Variants in KIAA1328 observed in about 807,000 individuals in gnomAD.
The protein encoded by KIAA1328 is KIAA1328.
Under a neutral mutation model 68.1 loss-of-function variants are expected in KIAA1328, and 52 were observed. The ratio of observed to expected loss-of-function variants is 0.76; its 90% confidence interval spans 0.61 to 0.96. The LOEUF (loss-of-function observed/expected upper bound fraction) is 0.96. Ranked by LOEUF, KIAA1328 falls within the 40% of genes least tolerant of loss-of-function variation. KIAA1328 has a pLI of 0.00. For missense variants in KIAA1328, 641 were observed against 677.6 expected, an observed-to-expected ratio of 0.95 and a Z score of 0.60; for synonymous variants, 232 against 239.4, an observed-to-expected ratio of 0.97 and a Z score of 0.28.
At chr18:36,988,675 C>A (rs1197318808) in intron 6 of KIAA1328, among the ~76,000 whole-genome samples, 1 of 152,082 alleles carries the variant, frequency 6.6e-6, no homozygotes, top group Admixed American at 6.6e-5. Flanking sequence ...TTTCAGAATG[C>A]CAGTTAAGAG....
At chr18:37,022,047 A>T (rs1258793914) in intron 6 of KIAA1328, among the ~76,000 whole-genome samples, 2 of 151,614 alleles carry the variant, frequency 1.3e-5, no homozygotes, top group African/African-American at 4.8e-5. Context: ...CTCATAAATT[A>T]ATTAATTAAT....
intron 5 of KIAA1328, among the ~76,000 whole-genome samples, chr18:36,912,049 G>A (rs1205576875): frequency 6.6e-6 from 1 of 151,994 alleles, no homozygotes; most frequent in Non-Finnish European, 1.5e-5. Flanking sequence ...GTTGATTATT[G>A]CTAAGACCTT....
At position 37,047,024 on chromosome 18, in the gene KIAA1328, C is replaced by T. The variant is rs957048689; in HGVS notation, c.577-19866C>T. 5.3e-5 allele frequency among the ~76,000 whole-genome samples: 8 copies of T among 152,094 alleles called. 1 individual carries two copies. The highest frequency in any genetic ancestry group is 4.1e-4 in the South Asian group (2 of 4,822). ...GCACATGCCTGTAGTCCCAGCTACTCGGGAGGCTGAGGCAGGAGAAACACT... is the reference window on the plus strand; with the variant it reads ...GCACATGCCTGTAGTCCCAGCTACTTGGGAGGCTGAGGCAGGAGAAACACT... On this transcript the variant is annotated intron_variant, in intron 6 of 9. Coordinates refer to ENST00000280020, the MANE Select transcript of KIAA1328 (RefSeq NM_020776.3).
chr18:37,080,165 AACT>A (rs1435037106), intron 7 of KIAA1328, among the ~76,000 whole-genome samples: 1 of 152,142 alleles, frequency 6.6e-6, no homozygotes, highest in Non-Finnish European at 1.5e-5. Context: ...CCATCTGGAA[AACT>A]ACTCACATAA....
In KIAA1328 at chr18:37,222,216, T is replaced by C. The variant is rs199917527; in HGVS notation, c.1723T>C (p.Phe575Leu). The C allele has an allele frequency of 8.6e-5, 135 of 1,562,992 alleles. No homozygotes were observed. The highest frequency in any genetic ancestry group is 1.1e-4 in the Non-Finnish European group (128 of 1,152,956). The change falls in exon 10 of 10, where the codon TTT becomes CTT. Residue 575 changes from phenylalanine (F) to leucine (L), a missense_variant. Phe to Leu is a conservative substitution (Grantham distance 22). Coordinates refer to ENST00000280020, the MANE Select transcript of KIAA1328 (RefSeq NM_020776.3). ...GGAGAATCAGATTCTGGAAGATATA[T>C]TTTTCATTTGACATATTGCAAAATT... ...LEENQILEDI[F>L]FI
At chr18:37,152,253 A>G (rs1341266231) in intron 7 of KIAA1328, among the ~76,000 whole-genome samples, 2 of 152,270 alleles carry the variant, frequency 1.3e-5, no homozygotes, top group Non-Finnish European at 2.9e-5. Context: ...AAAGAACAGT[A>G]GAATTTTAGA....
intron 7 of KIAA1328, among the ~76,000 whole-genome samples, chr18:37,153,567 C>T (rs1041964604): frequency 6.9e-5 from 10 of 145,350 alleles, no homozygotes; most frequent in African/African-American, 2.3e-4. Flanking sequence ...TAGGTACATA[C>T]ATGTATTCTC....
chr18:37,048,286 C>T (rs1483256778), intron 6 of KIAA1328, among the ~76,000 whole-genome samples: 2 of 152,212 alleles, frequency 1.3e-5, no homozygotes, highest in Non-Finnish European at 2.9e-5. Context: ...ATTAACTTTA[C>T]ATTTTCTAAA....
chr18:37,053,794 A>C (rs1007945175), intron 6 of KIAA1328, among the ~76,000 whole-genome samples: 5 of 152,098 alleles, frequency 3.3e-5, no homozygotes, highest in African/African-American at 1.2e-4. Flanking sequence ...ACCTCCCACA[A>C]GGTTCCTCCC....
intron 6 of KIAA1328, among the ~76,000 whole-genome samples, chr18:36,999,350 T>G (rs1223694732): frequency 6.6e-6 from 1 of 152,186 alleles, no homozygotes; most frequent in Admixed American, 6.5e-5. Context: ...AAAACCTATT[T>G]GATGAGACAA....
intron 6 of KIAA1328, 98 bp downstream of exon 6, chr18:36,959,533 T>C: frequency 7.5e-7 from 1 of 1,326,476 alleles, no homozygotes; most frequent in Non-Finnish European, 1.0e-6. Context: ...CAGTATATAA[T>C]ATTGTTTTAA....
At chr18:37,091,023 T>G (rs928394731) in intron 7 of KIAA1328, among the ~76,000 whole-genome samples, 1 of 152,116 alleles carries the variant, frequency 6.6e-6, no homozygotes, top group Non-Finnish European at 1.5e-5. Flanking sequence ...ATATAGACGT[T>G]CTCTTGAATC....
At chr18:36,952,490 A>C (rs1200647149) in intron 5 of KIAA1328, among the ~76,000 whole-genome samples, 1 of 151,934 alleles carries the variant, frequency 6.6e-6, no homozygotes, top group Non-Finnish European at 1.5e-5. Flanking sequence ...TATCATTTAC[A>C]TTTGCAGTTG....
intron 6 of KIAA1328, among the ~76,000 whole-genome samples, chr18:37,022,959 A>ATTAT (rs1051739510): frequency 5.9e-5 from 9 of 152,250 alleles, no homozygotes; most frequent in South Asian, 2.1e-4. Context: ...ACAGTAAATA[A>ATTAT]GTAAACTCTA....
chr18:37,156,370 G>A (rs1219429792), intron 7 of KIAA1328, among the ~76,000 whole-genome samples: 1 of 144,514 alleles, frequency 6.9e-6, no homozygotes, highest in Non-Finnish European at 1.5e-5. Context: ...AGGTTGTGGT[G>A]AGCCGAGATT....
At chr18:36,962,906 G>T (rs138449325) in intron 6 of KIAA1328, among the ~76,000 whole-genome samples, 1,836 of 152,262 alleles carry the variant, frequency 0.012, 6 homozygotes, top group Non-Finnish European at 0.02. Context: ...ACAATTAAAA[G>T]ACCTAGAGAA....
rs139185921 is a variant in KIAA1328 at position 37,085,544 on chromosome 18, C to T, written c.1232+17999C>T. Among the ~76,000 whole-genome samples, 574 of 152,218 alleles carry T rather than the reference C, an allele frequency of 3.8e-3. 2 individuals are homozygous for T. The highest frequency in any genetic ancestry group is 5.9e-3 in the Non-Finnish European group (401 of 68,006). On this transcript the variant is annotated intron_variant, in intron 7 of 9. Coordinates refer to ENST00000280020, the MANE Select transcript of KIAA1328 (RefSeq NM_020776.3). ...ATGGGGGAGATGGGAGGGGCAGGGA[C>T]GAGTCCTTGAAAGTCCTATTCTGCC...
At chr18:37,167,100 A>G (rs1465974879) in intron 8 of KIAA1328, among the ~76,000 whole-genome samples, 1 of 152,150 alleles carries the variant, frequency 6.6e-6, no homozygotes, top group African/African-American at 2.4e-5. Flanking sequence ...AGGTTGTGTA[A>G]TGGGGGAGTG....
chr18:37,014,257 T>C (rs2054074722), intron 6 of KIAA1328, among the ~76,000 whole-genome samples: 1 of 152,222 alleles, frequency 6.6e-6, no homozygotes, highest in African/African-American at 2.4e-5. Flanking sequence ...TTGGTTGCAT[T>C]GCATGCAAAT....
Sources: gnomAD v4.1 joint callset for allele counts (sites outside exome capture counted in the v4.1 genomes callset) on GRCh38, gnomAD v4.1.1 for gene constraint, MANE v1.5 for transcripts, NCBI Gene and HGNC (gene_info 2026-07-23, HGNC 2026-07-21) for gene names.